Variants in SYNRG observed in about 807,000 individuals in gnomAD.
SYNRG encodes the protein synergin gamma, also known as AP1 gamma subunit binding protein 1.
Under a neutral mutation model 130.9 loss-of-function variants are expected in SYNRG, and 37 were observed. The ratio of observed to expected loss-of-function variants is 0.28; its 90% CI spans 0.22 to 0.37. The LOEUF (loss-of-function observed/expected upper bound fraction) is 0.37, where lower values mean the gene tolerates loss of function less well. Ranked by LOEUF, SYNRG falls within the 10% of genes least tolerant of loss-of-function variation. The probability of loss-of-function intolerance (pLI) is 1.00; values close to 1 mark genes in which losing one functional copy is unlikely to be tolerated. For missense variants in SYNRG, 1,338 were observed against 1,588.9 expected (o/e 0.84, Z 2.68); for synonymous variants, 539 against 568.1 (o/e 0.95, Z 0.73).
Position 37,514,828 on chromosome 17 carries a change from G to C in SYNRG, c.*4112C>G, listed in dbSNP as rs570475850. The stretch of plus-strand genomic sequence containing the variant: ...GACATTCTTCTACACTTGTATTTTG[G>C]TTAGAGAAGTTTAACAAGGGGTGAT... On this transcript the variant is annotated 3_prime_UTR_variant, in exon 22 of 22. Transcript: ENST00000612223. 3 of 152,292 alleles carry C rather than the reference G, an allele frequency of 2.0e-5. No homozygotes were observed. Among genetic ancestry groups the C allele is most frequent in the Non-Finnish European group, 4.4e-5 (3 of 68,034 alleles). The allele number at this position is 152,292 out of a possible 1,614,324, so 9.4% of individuals were successfully genotyped here.
intron 11 of SYNRG, among the ~76,000 whole-genome samples, chr17:37,563,072 AG>A (rs1235848974): frequency 3.3e-5 from 5 of 152,246 alleles, no homozygotes; most frequent in African/African-American, 9.6e-5. Context: ...ATTCAAAAAA[AG>A]TTATGACTCA....
chr17:37,532,360 T>C (rs556962221), intron 19 of SYNRG, among the ~76,000 whole-genome samples: 2 of 152,226 alleles, frequency 1.3e-5, no homozygotes. Flanking sequence ...AAACAGACCA[T>C]ACAAAAATTG....
At chr17:37,534,045 C>G (rs928006976) in intron 19 of SYNRG, among the ~76,000 whole-genome samples, 2 of 145,624 alleles carry the variant, frequency 1.4e-5, no homozygotes, top group African/African-American at 5.1e-5. Context: ...AGCAATTCTC[C>G]TGCCTCAGCC....
At position 37,561,565 on chromosome 17, in the gene SYNRG, A is replaced by C. The variant is rs769581698; in HGVS notation, c.1506T>G (p.Leu502=). 2 of 1,613,050 alleles carry C rather than the reference A, an allele frequency of 1.2e-6. No individual in the cohort carries two copies. Among genetic ancestry groups the C allele is most frequent in the South Asian group, 2.2e-5 (2 of 90,988 alleles). The change falls in exon 12 of 22, where the codon CTT becomes CTG. Residue 502 remains leucine (L), a synonymous_variant. Transcript: ENST00000612223. ...GNSAPSLLMP[L]PGTKALPSMD... ...TTGAAGGCAATGCTTTAGTTCCAGG[A>C]AGTGGCATCAACAAAGAAGGGGCAC...
chr17:37,554,118 A>G, intron 13 of SYNRG, 59 bp from the exon 14 acceptor site: 2 of 1,472,186 alleles, frequency 1.4e-6, no homozygotes, highest in Non-Finnish European at 9.3e-7. Flanking sequence ...CATATAATAC[A>G]CAGTATATTA....
chr17:37,592,738 T>C (rs1474201933), intron 3 of SYNRG, among the ~76,000 whole-genome samples: 1 of 152,154 alleles, frequency 6.6e-6, no homozygotes. Flanking sequence ...GGGAACACAC[T>C]AGTGAATGCA....
At chr17:37,586,959 C>A (rs1042034994) in intron 3 of SYNRG, among the ~76,000 whole-genome samples, 4 of 151,816 alleles carry the variant, frequency 2.6e-5, no homozygotes, top group Non-Finnish European at 5.9e-5. Context: ...GGTAAACATA[C>A]CACAAATGAA....
intron 3 of SYNRG, among the ~76,000 whole-genome samples, chr17:37,594,130 A>G (rs2062467261): frequency 6.7e-6 from 1 of 149,642 alleles, no homozygotes; most frequent in Non-Finnish European, 1.5e-5. Flanking sequence ...ATAATTGTGT[A>G]AGTCATAAAA....
In SYNRG at chr17:37,554,437, G is replaced by C. The variant is rs2058949590; in HGVS notation, c.1664-378C>G. ...AGAAATAGGGCTAGAGGTTCTTGAAGAGAGGCATATTAAAACAGTGGCCCT... is the reference window on the plus strand; with the variant it reads ...AGAAATAGGGCTAGAGGTTCTTGAACAGAGGCATATTAAAACAGTGGCCCT... On this transcript the variant is annotated intron_variant, in intron 13 of 21. Transcript: ENST00000612223. Among the ~76,000 whole-genome samples the C allele has an allele frequency of 2.0e-5, 3 of 152,236 alleles. No individual in the cohort carries two copies. The South Asian group carries it at 6.2e-4, about 32-fold the overall frequency.
intron 19 of SYNRG, among the ~76,000 whole-genome samples, chr17:37,530,804 C>T (rs1298744712): frequency 6.6e-6 from 1 of 152,192 alleles, no homozygotes; most frequent in Non-Finnish European, 1.5e-5. Context: ...CTTTTAGGGG[C>T]AGTGATGTGT....
In SYNRG at chr17:37,572,057, T is replaced by C. The variant is rs1344795827; in HGVS notation, c.902-70A>G. On this transcript the variant is annotated intron_variant, in intron 8 of 21. Transcript: ENST00000612223. ...TGATTTATTTTTTGGGATGCCATTG[T>C]TGGTATACAAGAATAATCTTCAACA... 7.1e-5 allele frequency: 94 copies of C among 1,324,876 alleles called. No homozygotes were observed. The East Asian group carries it at 1.9e-3, about 26-fold the overall frequency. The allele number at this position is 1,324,876 out of a possible 1,614,324, so 82.1% of individuals were successfully genotyped here.
At chr17:37,568,694 T>A in intron 11 of SYNRG, 97 bp downstream of exon 11, 1 of 1,312,738 alleles carries the variant, frequency 7.6e-7, no homozygotes. Context: ...GAGTAAGGAG[T>A]CTTAATTTTT....
At chr17:37,606,010 G>T (rs901067502) in intron 1 of SYNRG, 1 of 984,982 alleles carries the variant, frequency 1.0e-6, no homozygotes, top group African/African-American at 1.7e-5. Context: ...GGACCATTAC[G>T]CAATAATTAA....
chr17:37,527,509 A>G (rs981043952), intron 19 of SYNRG, among the ~76,000 whole-genome samples: 1 of 152,232 alleles, frequency 6.6e-6, no homozygotes, highest in African/African-American at 2.4e-5. Flanking sequence ...AAGCTTTGCC[A>G]GTACAGTCAG....
At position 37,521,038 on chromosome 17, in the gene SYNRG, T is replaced by C. The variant is rs1402566250; in HGVS notation, c.3667-390A>G. 9.3e-5 allele frequency among the ~76,000 whole-genome samples: 14 copies of C among 150,314 alleles called. No homozygotes were observed. In the East Asian group the frequency reaches 1.9e-3, roughly 21 times the overall value. On this transcript the variant is annotated intron_variant, in intron 19 of 21. Transcript: ENST00000612223. ...GTCCTAGAACTTTTTCTTTTCTTTT[T>C]TTTTTTTTTTTGGAGACAGAGTCTC...
intron 14 of SYNRG, among the ~76,000 whole-genome samples, chr17:37,552,245 A>T (rs1039834214): frequency 2.0e-5 from 3 of 152,226 alleles, no homozygotes; most frequent in Admixed American, 1.3e-4. Context: ...TCTCATTATT[A>T]AAAGGCCACA....
In SYNRG at chr17:37,540,446, A is replaced by G; in HGVS notation, c.3300T>C (p.Thr1100=). The change falls in exon 16 of 22, where the codon ACT becomes ACC. Residue 1100 remains threonine, a synonymous_variant. Transcript: ENST00000612223. The part of the protein sequence containing the change: ...LEQPFRDRSN[T]LNEKPALPVI... ...CGGGCAGGGCGGGCTTCTCATTCAG[A>G]GTATTGGAACGGTCTCTGAAAGGCT... 1 of 1,613,934 alleles carries G rather than the reference A, an allele frequency of 6.2e-7. No individual in the cohort carries two copies. The highest frequency in any genetic ancestry group is 8.5e-7 in the Non-Finnish European group (1 of 1,179,956).
At chr17:37,537,967 G>A (rs887018712) in intron 18 of SYNRG, among the ~76,000 whole-genome samples, 3 of 152,238 alleles carry the variant, frequency 2.0e-5, no homozygotes, top group Non-Finnish European at 4.4e-5. Flanking sequence ...GGACTCTGTG[G>A]TGTCATTAAG....
chr17:37,578,447 A>G (rs913419599), intron 6 of SYNRG, among the ~76,000 whole-genome samples: 5 of 152,254 alleles, frequency 3.3e-5, no homozygotes, highest in African/African-American at 1.2e-4. Flanking sequence ...GATTCTAAAG[A>G]ATTCTATGAG....
Sources: allele counts gnomAD v4.1 joint callset (sites outside exome capture counted in the v4.1 genomes callset), GRCh38; gene constraint gnomAD v4.1.1; transcripts MANE v1.5; gene names NCBI Gene and HGNC (gene_info 2026-07-23, HGNC 2026-07-21).